Variants in PCDH9 observed in about 807,000 individuals in gnomAD.
PCDH9 encodes the protein protocadherin-9.
PCDH9 carries 24 observed loss-of-function variants against 70.6 expected under a neutral mutation model. The observed-to-expected ratio is 0.34, with a 90% confidence interval of 0.25 to 0.48. The LOEUF is 0.48. PCDH9 is among the 20% of genes least tolerant of loss of function. The probability of loss-of-function intolerance (pLI) is 0.99; values close to 1 mark genes in which losing one functional copy is unlikely to be tolerated. For missense variants in PCDH9, 1,281 were observed against 1,503.6 expected (o/e 0.85, Z 2.45); for synonymous variants, 562 against 558.5 (o/e 1.01, Z -0.09).
At chr13:66,363,051 C>T (rs1956497956) in intron 4 of PCDH9, among the ~76,000 whole-genome samples, 3 of 152,018 alleles carry the variant, frequency 2.0e-5, no homozygotes, top group African/African-American at 4.8e-5. Context: ...CGGTGGCACA[C>T]GCCTGTAATC....
rs1408357123 is a variant in PCDH9, at chr13:66,932,667, T to C, written c.3037-29062A>G. 2.1e-5 allele frequency among the ~76,000 whole-genome samples: 3 copies of C among 142,312 alleles called. No individual in the cohort carries two copies. In the South Asian group the frequency reaches 6.5e-4, roughly 31 times the overall value. 93.4% of individuals were successfully genotyped at this position (142,312 alleles called of 152,430 possible). ...AAATGTGTAAATCCTCACATATATA[T>C]ATATATATATATATACACACACACA... On this transcript the variant is annotated intron_variant, in intron 2 of 4. Coordinates refer to ENST00000377865, the MANE Select transcript of PCDH9 (RefSeq NM_203487.3).
At chr13:66,403,669 G>T (rs564610143) in intron 4 of PCDH9, among the ~76,000 whole-genome samples, 1 of 152,052 alleles carries the variant, frequency 6.6e-6, no homozygotes, top group East Asian at 1.9e-4. Flanking sequence ...GAAAATTTTA[G>T]AATACAAAGA....
At chr13:66,354,876 A>G (rs1593848647) in intron 4 of PCDH9, among the ~76,000 whole-genome samples, 1 of 152,072 alleles carries the variant, frequency 6.6e-6, no homozygotes, top group East Asian at 1.9e-4. Flanking sequence ...CACTTTACCA[A>G]TTAGAGATTA....
chr13:66,441,179 C>T (rs1399659951), intron 4 of PCDH9, among the ~76,000 whole-genome samples: 2 of 152,202 alleles, frequency 1.3e-5, no homozygotes. Context: ...TTGGATGTTG[C>T]TTCACCAGCA....
chr13:66,764,536 G>T (rs1222681545), intron 3 of PCDH9, among the ~76,000 whole-genome samples: 1 of 151,998 alleles, frequency 6.6e-6, no homozygotes, highest in East Asian at 1.9e-4. Flanking sequence ...TGAGGAAAAT[G>T]ACAGGAATTC....
chr13:66,695,928 A>G (rs2078556957), intron 3 of PCDH9, among the ~76,000 whole-genome samples: 1 of 152,188 alleles, frequency 6.6e-6, no homozygotes, highest in African/African-American at 2.4e-5. Flanking sequence ...AATAAACATT[A>G]AAAGCAATTA....
chr13:66,537,478 C>A (rs1281748992), intron 4 of PCDH9, among the ~76,000 whole-genome samples: 1 of 151,834 alleles, frequency 6.6e-6, no homozygotes, highest in Non-Finnish European at 1.5e-5. Flanking sequence ...AAACAGAAAA[C>A]CTCCACAAAA....
At chr13:66,988,321 T>C (rs1594355950) in intron 2 of PCDH9, among the ~76,000 whole-genome samples, 1 of 152,048 alleles carries the variant, frequency 6.6e-6, no homozygotes, top group African/African-American at 2.4e-5. Flanking sequence ...TAGTCTGATG[T>C]TTACATAACA....
intron 2 of PCDH9, among the ~76,000 whole-genome samples, chr13:66,912,779 AG>A (rs1166089311): frequency 5.9e-5 from 9 of 152,094 alleles, no homozygotes; most frequent in Admixed American, 3.9e-4. Context: ...TGTAATACTT[AG>A]CATAAATGCA....
At chr13:66,527,634 A>G (rs756494149) in intron 4 of PCDH9, among the ~76,000 whole-genome samples, 3 of 152,148 alleles carry the variant, frequency 2.0e-5, no homozygotes, top group African/African-American at 4.8e-5. Context: ...TACCTTTAAA[A>G]ATACTTAAAT....
In PCDH9 at chr13:67,156,294, A is replaced by C. The variant is rs888514411; in HGVS notation, c.3036+69111T>G. 3.9e-5 allele frequency among the ~76,000 whole-genome samples: 6 copies of C among 152,256 alleles called. No individual in the cohort carries two copies. In the East Asian group the frequency reaches 1.2e-3, roughly 29 times the overall value. On this transcript the variant is annotated intron_variant, in intron 2 of 4. Transcript: ENST00000377865. ...TGTAGAGGAGCGGATCAGCAGAAGAAGATAGAGGCAGGGGGATGTCAAATG... is the reference window on the plus strand; with the variant it reads ...TGTAGAGGAGCGGATCAGCAGAAGACGATAGAGGCAGGGGGATGTCAAATG...
At chr13:66,505,513 C>T (rs1408368768) in intron 4 of PCDH9, among the ~76,000 whole-genome samples, 2 of 151,898 alleles carry the variant, frequency 1.3e-5, no homozygotes, top group Non-Finnish European at 2.9e-5. Context: ...ATGTTTGGGA[C>T]ACAGAGCCAA....
intron 4 of PCDH9, among the ~76,000 whole-genome samples, chr13:66,374,858 T>G (rs1264459720): frequency 6.6e-6 from 1 of 152,132 alleles, no homozygotes; most frequent in Non-Finnish European, 1.5e-5. Flanking sequence ...GAGGACAGAC[T>G]GGTCAGAGTT....
chr13:67,027,281 C>A (rs1264800888), intron 2 of PCDH9, among the ~76,000 whole-genome samples: 1 of 152,156 alleles, frequency 6.6e-6, no homozygotes, highest in African/African-American at 2.4e-5. Flanking sequence ...ACTATCTGAT[C>A]TTTGACAAAC....
chr13:67,093,125 T>C (rs765366993), intron 2 of PCDH9, among the ~76,000 whole-genome samples: 1 of 152,208 alleles, frequency 6.6e-6, no homozygotes, highest in Non-Finnish European at 1.5e-5. Context: ...ATTATATTAG[T>C]TAATAAAAAA....
intron 4 of PCDH9, among the ~76,000 whole-genome samples, chr13:66,308,178 T>C (rs1955501854): frequency 6.6e-6 from 1 of 152,082 alleles, no homozygotes; most frequent in Non-Finnish European, 1.5e-5. Context: ...ACTTATCAGA[T>C]AGACTTTGTG....
chr13:67,014,129 C>T (rs541661766), intron 2 of PCDH9, among the ~76,000 whole-genome samples: 5 of 152,058 alleles, frequency 3.3e-5, no homozygotes, highest in Admixed American at 2.6e-4. Context: ...TTTATTTGTC[C>T]CCACTAAAAG....
chr13:66,586,881 T>G (rs532572893), intron 4 of PCDH9, among the ~76,000 whole-genome samples: 1 of 151,860 alleles, frequency 6.6e-6, no homozygotes, highest in Admixed American at 6.5e-5. Flanking sequence ...CATCTCATCA[T>G]GAGTATCAAC....
intron 2 of PCDH9, among the ~76,000 whole-genome samples, chr13:67,038,161 G>T (rs1001577180): frequency 7.9e-5 from 12 of 152,216 alleles, no homozygotes; most frequent in Admixed American, 3.9e-4. Flanking sequence ...AGTAAAAGAT[G>T]AAAACAGCTG....
Sources: gnomAD v4.1 joint callset for allele counts (sites outside exome capture counted in the v4.1 genomes callset) on GRCh38, gnomAD v4.1.1 for gene constraint, MANE v1.5 for transcripts, NCBI Gene and HGNC (gene_info 2026-07-23, HGNC 2026-07-21) for gene names.